DNAH1: variants seen among roughly 807,000 people sequenced by gnomAD.
DNAH1 encodes axonemal beta dynein heavy chain 1.
In DNAH1, 327 loss-of-function variants were observed where a neutral mutation model predicts 484.3. That is an observed-to-expected ratio of 0.68 (90% confidence interval 0.62 to 0.74). DNAH1 has a LOEUF of 0.74. Among genes scored for constraint, DNAH1 ranks in the 30% least tolerant of loss-of-function variants. The pLI is 0.00. For synonymous variants in DNAH1, 2,192 were observed against 2,191.9 expected, an observed-to-expected ratio of 1.00 and a Z score of 0.00; for missense variants, 5,052 against 5,546.8, an observed-to-expected ratio of 0.91 and a Z score of 2.83.
At chr3:52,317,507 A>C (rs142140888) in intron 1 of DNAH1, among the ~76,000 whole-genome samples, 7 of 152,292 alleles carry the variant, frequency 4.6e-5, no homozygotes, top group African/African-American at 1.7e-4. Context: ...CCAGTTCGTA[A>C]ATTTCTTCAA....
chr3:52,354,650 A>AG (rs1382708858), intron 20 of DNAH1, among the ~76,000 whole-genome samples, 193 bp from the exon 21 acceptor site: 1 of 151,504 alleles, frequency 6.6e-6, no homozygotes, highest in Non-Finnish European at 1.5e-5. Context: ...AAAAAAAAAA[A>AG]GAGTGAATTG....
chr3:52,324,083 G>A (rs1270425830), intron 3 of DNAH1, among the ~76,000 whole-genome samples: 1 of 152,158 alleles, frequency 6.6e-6, no homozygotes, highest in Non-Finnish European at 1.5e-5. Flanking sequence ...ATTACTCTTA[G>A]TGGAGCCATG....
intron 36 of DNAH1, among the ~76,000 whole-genome samples, chr3:52,367,669 G>A (rs1703143726): frequency 6.6e-6 from 1 of 151,728 alleles, no homozygotes; most frequent in African/African-American, 2.4e-5. Flanking sequence ...CTGCCTCCTT[G>A]TTCAAGCGAT....
At chr3:52,354,196 A>C (rs1187528370) in intron 20 of DNAH1, among the ~76,000 whole-genome samples, 1 of 152,138 alleles carries the variant, frequency 6.6e-6, no homozygotes, top group Non-Finnish European at 1.5e-5. Context: ...AAACAAAAAA[A>C]CAGATAAATC....
In DNAH1 at chr3:52,360,013, T is replaced by G; in HGVS notation, c.4505T>G (p.Val1502Gly). 6.2e-7 allele frequency: 1 copy of G among 1,613,916 alleles called. No homozygotes were observed. Among genetic ancestry groups the G allele is most frequent in the Non-Finnish European group, 8.5e-7 (1 of 1,179,894 alleles). The change falls in exon 27 of 78, where the codon GTG becomes GGG. Residue 1502 changes from valine (V) to glycine (G), a missense_variant. By Grantham distance (109) the Val-to-Gly change is moderately radical. Around this residue, in one of 4 missense-constraint regions of DNAH1, gnomAD observed 2,929 missense variants for 3,409.4 expected, o/e 0.86. Transcript: ENST00000420323. ...GTCATTGAGGTCCATGCCAAGGACG[T>G]GGTGAGCAAGCTAATCCAGGAGAAC... ...LIVIEVHAKD[V>G]VSKLIQENVV...
intron 44 of DNAH1, chr3:52,374,306 G>T (rs1224810607): frequency 6.5e-7 from 1 of 1,534,764 alleles, no homozygotes; most frequent in African/African-American, 1.4e-5. Flanking sequence ...CTTATTGAAG[G>T]TGTTACTACC....
At chr3:52,329,867 G>A (rs116603521) in intron 6 of DNAH1, among the ~76,000 whole-genome samples, 3,513 of 151,732 alleles carry the variant, frequency 0.023, 138 homozygotes, top group African/African-American at 0.079. Flanking sequence ...AAAATAAACA[G>A]TTTTTATCTC....
Position 52,381,837 on chromosome 3 carries a change from G to T in DNAH1, c.7805+1G>T. The T allele has an allele frequency of 1.3e-6, 2 of 1,586,902 alleles. No individual in the cohort carries two copies. The highest frequency in any genetic ancestry group is 2.3e-5 in the East Asian group (1 of 43,410). On this transcript the variant is annotated splice_donor_variant, in intron 49 of 77. Coordinates refer to ENST00000420323, the MANE Select transcript of DNAH1 (RefSeq NM_015512.5). LOFTEE classifies it high-confidence loss of function. The surrounding 1 kb of genome is among the most constrained non-coding windows in gnomAD (Gnocchi z 4.1). ...CCCTCACAAGGCTCGCCTCGCACAT[G>T]TGAGCGCCTCCAGGGCGTGCTGGGC...
At chr3:52,328,135 C>A in intron 6 of DNAH1, 121 bp downstream of exon 6, 1 of 1,309,862 alleles carries the variant, frequency 7.6e-7, no homozygotes, top group South Asian at 1.4e-5. Context: ...CAAGACCTCT[C>A]AGCTGGTAGA....
At position 52,346,917 on chromosome 3, in the gene DNAH1, G is replaced by A. The variant is rs1702168680; in HGVS notation, c.1955+147G>A. On this transcript the variant is annotated intron_variant, in intron 11 of 77. Coordinates refer to ENST00000420323, the MANE Select transcript of DNAH1 (RefSeq NM_015512.5). Reference sequence around the variant, plus strand: ...AGAGCCGAGCTCCCTGCAGGCTGCTGGGCAATGTCCTGCCAGCCCTGGCTT... The same window carrying A: ...AGAGCCGAGCTCCCTGCAGGCTGCTAGGCAATGTCCTGCCAGCCCTGGCTT... 6.9e-6 allele frequency: 6 copies of A among 863,754 alleles called. No individual in the cohort carries two copies. The Admixed American group carries it at 1.4e-4, about 20-fold the overall frequency. The allele number at this position is 863,754 out of a possible 1,614,324, so 53.5% of individuals were successfully genotyped here.
intron 8 of DNAH1, among the ~76,000 whole-genome samples, chr3:52,340,706 A>G (rs1445836645): frequency 6.6e-6 from 1 of 152,136 alleles, no homozygotes; most frequent in Non-Finnish European, 1.5e-5. Flanking sequence ...AAGTGCTGGG[A>G]TTACAGGCAT....
rs1449742992 is a variant in DNAH1, at chr3:52,388,929, C to T, written c.9487C>T (p.Pro3163Ser). Residue 3163 changes from proline (P) to serine (S), a missense_variant, in exon 59 of 78, where the codon CCC becomes TCC. This residue lies in a region of DNAH1 where 2,929 missense variants were observed against 3,409.4 expected (regional missense o/e 0.86). Coordinates refer to ENST00000420323, the MANE Select transcript of DNAH1 (RefSeq NM_015512.5). The stretch of plus-strand genomic sequence containing the variant: ...CGCTGGCTTTGTGGCCTACCTGGGC[C>T]CCTTCACGGTAAGAAGTCCCCACCT... ...VAAGFVAYLG[P>S]FTGQYRTVLY... 6.3e-7 allele frequency: 1 copy of T among 1,599,834 alleles called. No homozygotes were observed. Among genetic ancestry groups the T allele is most frequent in the Non-Finnish European group, 8.5e-7 (1 of 1,170,686 alleles).
rs1559519419 is a variant in DNAH1 at position 52,353,767 on chromosome 3, G to GT, written c.3480+136dup. The GT allele has an allele frequency of 4.3e-6, 5 of 1,162,152 alleles. No individual in the cohort carries two copies. Among genetic ancestry groups the GT allele is most frequent in the Non-Finnish European group, 6.0e-6 (5 of 831,580 alleles). The allele number at this position is 1,162,152 out of a possible 1,614,324, so 72.0% of individuals were successfully genotyped here. A position where few individuals can be genotyped will look rare whatever the true frequency, so the allele number is the denominator to read the frequency against. On this transcript the variant is annotated intron_variant, in intron 20 of 77. Transcript: ENST00000420323. The surrounding 1 kb of genome is among the most constrained non-coding windows in gnomAD (Gnocchi z 5.0). ...ATCCCTGGGGTCATGAGGCCCAGGG[G>GT]TTGAGATGCATTCTATTAAGTGAGT... is the stretch of plus-strand genomic sequence containing the variant.
intron 60 of DNAH1, among the ~76,000 whole-genome samples, chr3:52,389,852 C>G (rs1704294101): frequency 6.6e-6 from 1 of 152,216 alleles, no homozygotes; most frequent in Non-Finnish European, 1.5e-5. Context: ...TGGCTCACGC[C>G]TGTAATCCCA....
chr3:52,330,979 G>A (rs1377466107), intron 6 of DNAH1, among the ~76,000 whole-genome samples, 169 bp from the exon 7 acceptor site: 1 of 152,212 alleles, frequency 6.6e-6, no homozygotes, highest in Non-Finnish European at 1.5e-5. Flanking sequence ...GAGCTCGGCT[G>A]GGAGGAAGCA....
chr3:52,378,670 A>G lies in DNAH1; in HGVS notation c.7267A>G (p.Ile2423Val), dbSNP rs1352218652. The change falls in exon 47 of 78, where the codon ATC (isoleucine) becomes GTC (valine). Residue 2423 changes from isoleucine to valine, a missense_variant. Physicochemically the swap from Ile to Val is conservative, Grantham distance 29 (BLOSUM62 3). Around this residue, in one of 4 missense-constraint regions of DNAH1, gnomAD observed 2,929 missense variants for 3,409.4 expected, o/e 0.86. Transcript: ENST00000420323. The stretch of plus-strand genomic sequence containing the variant: ...AGCCACCATCATGGTGTATGCAACC[A>G]TCACCTCCCAGCTGCTGCCCACTCC... The part of the protein sequence containing the change: ...VEATIMVYAT[I>V]TSQLLPTPAK... 3.1e-6 allele frequency: 5 copies of G among 1,613,594 alleles called. No homozygotes were observed. Among genetic ancestry groups the G allele is most frequent in the Non-Finnish European group, 4.2e-6 (5 of 1,179,854 alleles).
chr3:52,390,707 T>G (rs891308823), intron 60 of DNAH1, among the ~76,000 whole-genome samples: 1 of 152,148 alleles, frequency 6.6e-6, no homozygotes, highest in African/African-American at 2.4e-5. Flanking sequence ...GGGCCTGTGC[T>G]CTCTCAGGGG....
Position 52,357,781 on chromosome 3 carries a change from A to T in DNAH1, c.3980+46A>T, listed in dbSNP as rs568165242. ...CCCACTCCGCCACTGTCTGCCCACA[A>T]GGCTGAGGTGTCCAGGGCCCTGCTC... is the stretch of plus-strand genomic sequence containing the variant. On this transcript the variant is annotated intron_variant, in intron 23 of 77. Transcript: ENST00000420323. The T allele has an allele frequency of 2.3e-5, 36 of 1,573,042 alleles. No homozygotes were observed. The South Asian group carries it at 3.7e-4, about 16-fold the overall frequency.
At chr3:52,392,043 C>T (rs924408218) in intron 63 of DNAH1, among the ~76,000 whole-genome samples, 2 of 152,248 alleles carry the variant, frequency 1.3e-5, no homozygotes, top group African/African-American at 2.4e-5. Flanking sequence ...CGCTGGCCAT[C>T]CATACACAGC....
Sources: allele counts gnomAD v4.1 joint callset (sites outside exome capture counted in the v4.1 genomes callset), GRCh38; gene constraint gnomAD v4.1.1; regional missense constraint gnomAD v4.1.1; non-coding constraint Gnocchi (gnomAD v3.1); transcripts MANE v1.5; gene names NCBI Gene and HGNC (gene_info 2026-07-23, HGNC 2026-07-21).